CACNB2: variants seen among roughly 807,000 people sequenced by gnomAD.
CACNB2 encodes voltage-dependent L-type calcium channel subunit beta-2.
A neutral mutation model predicts 73.3 loss-of-function variants in CACNB2; 42 were observed. The ratio of observed to expected loss-of-function variants is 0.57; its 90% CI spans 0.45 to 0.74. The LOEUF (loss-of-function observed/expected upper bound fraction) is 0.74, where lower values mean the gene tolerates loss of function less well. CACNB2 is among the 30% of genes least tolerant of loss of function. The pLI is 0.00. For missense variants in CACNB2, 940 were observed against 853.0 expected (o/e 1.10, Z -1.27); for synonymous variants, 348 against 310.3 (o/e 1.12, Z -1.28).
chr10:18,387,593 C>T (rs191297726), intron 2 of CACNB2, among the ~76,000 whole-genome samples: 1 of 152,206 alleles, frequency 6.6e-6, no homozygotes, highest in East Asian at 1.9e-4. Context: ...GCAGAAAAGC[C>T]AGTAGGTGCA....
chr10:18,204,500 C>G (rs2035013089), intron 2 of CACNB2, among the ~76,000 whole-genome samples: 1 of 152,140 alleles, frequency 6.6e-6, no homozygotes, highest in African/African-American at 2.4e-5. Flanking sequence ...CTTTTATTTT[C>G]TTTCTTGAAA....
At chr10:18,359,076 G>A (rs908171702) in intron 2 of CACNB2, among the ~76,000 whole-genome samples, 5 of 151,780 alleles carry the variant, frequency 3.3e-5, no homozygotes, top group Admixed American at 3.3e-4. Context: ...AACATGTTGG[G>A]GGTTTTAATA....
chr10:18,396,955 CT>C (rs2043742172), intron 2 of CACNB2, among the ~76,000 whole-genome samples: 1 of 152,072 alleles, frequency 6.6e-6, no homozygotes, highest in Non-Finnish European at 1.5e-5. Flanking sequence ...AAGAACATGG[CT>C]TTAAGACTTC....
chr10:18,241,651 A>G (rs1184241274), intron 2 of CACNB2, among the ~76,000 whole-genome samples: 2 of 152,188 alleles, frequency 1.3e-5, no homozygotes, highest in Non-Finnish European at 2.9e-5. Context: ...AAAATTAACC[A>G]TGAATACAAA....
chr10:18,456,714 T>C (rs887279778), intron 3 of CACNB2, among the ~76,000 whole-genome samples: 1 of 152,218 alleles, frequency 6.6e-6, no homozygotes, highest in African/African-American at 2.4e-5. Flanking sequence ...TTGACCATTC[T>C]AACTACCTGG....
chr10:18,479,096 G>C (rs1396255477), intron 3 of CACNB2, among the ~76,000 whole-genome samples: 1 of 151,904 alleles, frequency 6.6e-6, no homozygotes, highest in Non-Finnish European at 1.5e-5. Context: ...AATTTTGACA[G>C]AGTTTAACTC....
chr10:18,263,389 C>T (rs1365605306), intron 2 of CACNB2, among the ~76,000 whole-genome samples: 1 of 152,074 alleles, frequency 6.6e-6, no homozygotes, highest in Non-Finnish European at 1.5e-5. Context: ...GTCCTGGTGT[C>T]CTTTCTCAAA....
intron 2 of CACNB2, among the ~76,000 whole-genome samples, chr10:18,380,524 G>A (rs1001046082): frequency 1.1e-4 from 15 of 140,862 alleles, no homozygotes; most frequent in African/African-American, 3.5e-4. Flanking sequence ...GTGCAATCTC[G>A]GTTCACTGTA....
chr10:18,370,497 G>A (rs986572469), intron 2 of CACNB2, among the ~76,000 whole-genome samples: 6 of 152,088 alleles, frequency 3.9e-5, no homozygotes, highest in African/African-American at 9.7e-5. Context: ...ACAGGGTTTC[G>A]CCATGTTGGC....
At chr10:18,529,719 A>G (rs777554623) in intron 10 of CACNB2, among the ~76,000 whole-genome samples, 3 of 152,256 alleles carry the variant, frequency 2.0e-5, no homozygotes, top group Non-Finnish European at 4.4e-5. Context: ...CAGGCATAAG[A>G]CATGAAAAGG....
chr10:18,339,384 G>A (rs556848734), intron 2 of CACNB2, among the ~76,000 whole-genome samples: 14 of 152,148 alleles, frequency 9.2e-5, no homozygotes, highest in Non-Finnish European at 1.3e-4. Flanking sequence ...AGCCAGCTGT[G>A]ATGGCACTGG....
intron 3 of CACNB2, among the ~76,000 whole-genome samples, chr10:18,412,094 T>C (rs2044663158): frequency 6.6e-6 from 1 of 152,144 alleles, no homozygotes; most frequent in Non-Finnish European, 1.5e-5. Context: ...TTCCATATGG[T>C]TGTTTATCCT....
chr10:18,147,045 A>G (rs181570391), intron 1 of CACNB2, among the ~76,000 whole-genome samples: 6 of 152,354 alleles, frequency 3.9e-5, no homozygotes, highest in Non-Finnish European at 7.3e-5. Context: ...CTGCCAAGAC[A>G]ACTTTGAGTG....
intron 5 of CACNB2, among the ~76,000 whole-genome samples, chr10:18,505,693 C>G (rs1224752071): frequency 2.0e-5 from 3 of 152,106 alleles, no homozygotes; most frequent in Non-Finnish European, 4.4e-5. Context: ...AGGGGTCATT[C>G]GGTAACACGT....
chr10:18,328,212 T>C (rs1022066922), intron 2 of CACNB2, among the ~76,000 whole-genome samples: 4 of 152,162 alleles, frequency 2.6e-5, no homozygotes, highest in Non-Finnish European at 5.9e-5. Context: ...TACATGGCCC[T>C]AAAACAATAA....
chr10:18,445,116 C>T (rs1261647479), intron 3 of CACNB2, among the ~76,000 whole-genome samples: 2 of 152,116 alleles, frequency 1.3e-5, no homozygotes, highest in Non-Finnish European at 2.9e-5. Context: ...TTTGCTTCTG[C>T]CCATGGTTTT....
At chr10:18,157,062 CAA>C (rs528189125) in intron 2 of CACNB2, among the ~76,000 whole-genome samples, 143 of 116,228 alleles carry the variant, frequency 1.2e-3, no homozygotes, top group African/African-American at 3.4e-3. Flanking sequence ...AACTTTGTCT[CAA>C]AAAAAAAAAA....
intron 3 of CACNB2, among the ~76,000 whole-genome samples, chr10:18,434,141 T>A (rs1394994793): frequency 6.6e-6 from 1 of 152,228 alleles, no homozygotes; most frequent in Admixed American, 6.5e-5. Context: ...TTTGAAGATA[T>A]GATCTTCTAA....
chr10:18,269,483 T>A lies in CACNB2; in HGVS notation c.213+118508T>A, dbSNP rs1006134533. 3.3e-5 allele frequency among the ~76,000 whole-genome samples: 5 copies of A among 152,190 alleles called. No homozygotes were observed. In the East Asian group the frequency reaches 9.6e-4, roughly 29 times the overall value. ...AGTCCATCCTCAACTCTAGAGAAGC[T>A]GGTGAATGGTAACATAACATTTGAG... On this transcript the variant is annotated intron_variant, in intron 2 of 13. Transcript: ENST00000324631.
Sources: gnomAD v4.1 joint callset for allele counts (sites outside exome capture counted in the v4.1 genomes callset) on GRCh38, gnomAD v4.1.1 for gene constraint, MANE v1.5 for transcripts, NCBI Gene and HGNC (gene_info 2026-07-23, HGNC 2026-07-21) for gene names.